DDX52: variants seen among roughly 807,000 people sequenced by gnomAD.
The protein encoded by DDX52 is probable ATP-dependent RNA helicase DDX52.
Under a neutral mutation model 76.1 loss-of-function variants are expected in DDX52, and 59 were observed. The observed-to-expected ratio is 0.78, with a 90% confidence interval of 0.63 to 0.96. DDX52 has a LOEUF of 0.96. DDX52 is among the 40% of genes least tolerant of loss of function. DDX52 has a pLI of 0.00. For missense variants in DDX52, 707 were observed against 703.9 expected (o/e 1.00, Z -0.05); for synonymous variants, 231 against 244.1 (o/e 0.95, Z 0.50).
intron 2 of DDX52, among the ~76,000 whole-genome samples, chr17:37,641,900 A>G (rs2031218571): frequency 6.6e-6 from 1 of 152,188 alleles, no homozygotes; most frequent in Non-Finnish European, 1.5e-5. Context: ...CAGAAATAAC[A>G]GTACCTGTAC....
At chr17:37,635,031 C>T (rs891733278) in intron 2 of DDX52, among the ~76,000 whole-genome samples, 1 of 151,930 alleles carries the variant, frequency 6.6e-6, no homozygotes, top group Non-Finnish European at 1.5e-5. Flanking sequence ...AAACTCCTGA[C>T]CTCGTGATCC....
intron 12 of DDX52, 36 bp from the exon 13 acceptor site, chr17:37,619,875 T>C (rs1167532675): frequency 6.3e-7 from 1 of 1,599,018 alleles, no homozygotes; most frequent in Admixed American, 1.8e-5. Context: ...ACTTGTATCT[T>C]TGCTAAATTG....
At position 37,614,221 on chromosome 17, in the gene DDX52, A is replaced by G. The variant is rs563838711; in HGVS notation, c.*75T>C. 8.2e-6 allele frequency: 12 copies of G among 1,472,186 alleles called. No individual in the cohort carries two copies. The East Asian group carries it at 2.5e-4, about 31-fold the overall frequency. 91.2% of individuals were successfully genotyped at this position (1,472,186 alleles called of 1,614,324 possible). ...TGGTACAGGTGACTGTAAGACTTCA[A>G]GTATTCCATGAAAATAACATTCATG... On this transcript the variant is annotated 3_prime_UTR_variant, in exon 15 of 15. Transcript: ENST00000617633.
chr17:37,623,526 T>G (rs1463668654), intron 9 of DDX52, among the ~76,000 whole-genome samples: 1 of 152,222 alleles, frequency 6.6e-6, no homozygotes, highest in African/African-American at 2.4e-5. Flanking sequence ...ATAAACTGTT[T>G]GCCTTAGACA....
In DDX52 at chr17:37,612,964, C is replaced by T. The variant is rs1053540181; in HGVS notation, c.*1332G>A. On this transcript the variant is annotated 3_prime_UTR_variant, in exon 15 of 15. Transcript: ENST00000617633. Reference sequence around the variant, plus strand: ...AATCATATTCTTGTAAGTATTTTTACACCCTGTACCAGTAGATCTTTCTTT... The same window carrying T: ...AATCATATTCTTGTAAGTATTTTTATACCCTGTACCAGTAGATCTTTCTTT... 6.6e-6 allele frequency: 1 copy of T among 152,192 alleles called. No homozygotes were observed. The highest frequency in any genetic ancestry group is 2.4e-5 in the African/African-American group (1 of 41,436). The allele number at this position is 152,192 out of a possible 1,614,324, so 9.4% of individuals were successfully genotyped here. A position where few individuals can be genotyped will look rare whatever the true frequency, so the allele number is the denominator to read the frequency against.
chr17:37,621,159 G>A lies in DDX52; in HGVS notation c.1469C>T (p.Pro490Leu). ...GVNLVINYDF[P>L]TSSVEYIHRI... is the part of the protein sequence containing the mutation. ...GTGGATATATTCCACTGAGCTAGTT[G>A]GAAAGTCATAGTTGATCACCAAGTT... The change falls in exon 11 of 15, where the codon CCA becomes CTA. Residue 490 changes from proline to leucine, a missense_variant. Pro to Leu is a moderately conservative substitution (Grantham distance 98). Transcript: ENST00000617633. 6.2e-7 allele frequency: 1 copy of A among 1,612,788 alleles called. No individual in the cohort carries two copies.
chr17:37,621,031 C>T (rs890019917), intron 11 of DDX52, 83 bp from the exon 12 acceptor site: 1 of 1,556,836 alleles, frequency 6.4e-7, no homozygotes, highest in African/African-American at 1.4e-5. Context: ...ACTGGATTTT[C>T]ACAGCACTAA....
chr17:37,636,714 G>C (rs2030945526), intron 2 of DDX52, among the ~76,000 whole-genome samples: 1 of 152,148 alleles, frequency 6.6e-6, no homozygotes. Flanking sequence ...TGGGGACAAA[G>C]AAATCACCTG....
intron 3 of DDX52, 106 bp from the exon 4 acceptor site, chr17:37,632,404 T>G: frequency 7.8e-7 from 1 of 1,283,216 alleles, no homozygotes; most frequent in South Asian, 1.4e-5. Context: ...TAGCAGCATA[T>G]GAAACTTTTT....
chr17:37,614,684 T>C (rs1282520496), intron 14 of DDX52, among the ~76,000 whole-genome samples: 3 of 152,236 alleles, frequency 2.0e-5, no homozygotes, highest in Non-Finnish European at 4.4e-5. Context: ...CGGGTAATTT[T>C]CCTAACAACT....
At chr17:37,636,724 G>A (rs1256140339) in intron 2 of DDX52, among the ~76,000 whole-genome samples, 1 of 152,048 alleles carries the variant, frequency 6.6e-6, no homozygotes, top group East Asian at 1.9e-4. Context: ...GAAATCACCT[G>A]TTTACAAATG....
chr17:37,641,184 C>T (rs1381043933), intron 2 of DDX52, among the ~76,000 whole-genome samples: 1 of 151,802 alleles, frequency 6.6e-6, no homozygotes, highest in Non-Finnish European at 1.5e-5. Flanking sequence ...GGGTGGATCA[C>T]AAGGTCAGGA....
Position 37,612,734 on chromosome 17 carries a change from G to GAA in DDX52, c.*1560_*1561dup. The GAA allele has an allele frequency of 6.6e-6, 1 of 152,200 alleles. No individual in the cohort carries two copies. Among genetic ancestry groups the GAA allele is most frequent in the East Asian group, 1.9e-4 (1 of 5,202 alleles). The allele number at this position is 152,200 out of a possible 1,614,324, so 9.4% of individuals were successfully genotyped here. A position where few individuals can be genotyped will look rare whatever the true frequency, so the allele number is the denominator to read the frequency against. ...TATTCCTAACAAAATCTATGTTTAA[G>GAA]AAATATTTATTGTGAGTTTACTATG... On this transcript the variant is annotated 3_prime_UTR_variant, in exon 15 of 15. Transcript: ENST00000617633.
intron 8 of DDX52, among the ~76,000 whole-genome samples, chr17:37,625,506 A>G (rs1454100242): frequency 1.3e-5 from 2 of 152,182 alleles, no homozygotes; most frequent in African/African-American, 4.8e-5. Context: ...TATTTAGCAT[A>G]AAATGCTCCC....
At chr17:37,620,706 G>A in intron 12 of DDX52, 167 bp downstream of exon 12, 1 of 534,024 alleles carries the variant, frequency 1.9e-6, no homozygotes. Context: ...GCAAAAACAA[G>A]GCCTTTTGAT....
At chr17:37,629,057 AAAACACAAAAAC>A (rs1179715953) in intron 5 of DDX52, among the ~76,000 whole-genome samples, 1 of 151,838 alleles carries the variant, frequency 6.6e-6, no homozygotes, top group Non-Finnish European at 1.5e-5. Flanking sequence ...ATCTCTACTA[AAAACACAAAAAC>A]AATTAGCCAG....
At chr17:37,620,613 A>T (rs1483438296) in intron 12 of DDX52, 2 of 338,182 alleles carry the variant, frequency 5.9e-6, no homozygotes, top group Non-Finnish European at 1.1e-5. Context: ...ATCTAACATC[A>T]ACCATTGAAA....
In DDX52 at chr17:37,642,154, C is replaced by T. The variant is rs2031230926; in HGVS notation, c.242G>A (p.Arg81Lys). 4 of 1,613,980 alleles carry T rather than the reference C, an allele frequency of 2.5e-6. No individual in the cohort carries two copies. Among genetic ancestry groups the T allele is most frequent in the East Asian group, 2.2e-5 (1 of 44,878 alleles). ...TTTTTTCTTGCTCTGCTCCCTCTTC[C>T]TTTCAGTTAGGCTCTCTTCTTTTTT... ...GEKKEESLTE[R>K]KREQSKKKRK... Residue 81 changes from arginine to lysine, a missense_variant, in exon 2 of 15, where the codon AGG becomes AAG. By Grantham distance (26) the Arg-to-Lys change is conservative. Coordinates refer to ENST00000617633, the MANE Select transcript of DDX52 (RefSeq NM_007010.5).
chr17:37,611,058 C>G lies in DDX52; in HGVS notation c.*3238G>C, dbSNP rs1039916720. The G allele has an allele frequency of 6.6e-6, 1 of 152,216 alleles. No individual in the cohort carries two copies. Among genetic ancestry groups the G allele is most frequent in the Admixed American group, 6.5e-5 (1 of 15,278 alleles). The allele number at this position is 152,216 out of a possible 1,614,324, so 9.4% of individuals were successfully genotyped here. ...AATCCTTTTTGTTCCTCTTCTTTGCCTATTGGTTTTTACATTTGCAGGATT... is the reference window on the plus strand; with the variant it reads ...AATCCTTTTTGTTCCTCTTCTTTGCGTATTGGTTTTTACATTTGCAGGATT... On this transcript the variant is annotated 3_prime_UTR_variant, in exon 15 of 15. Transcript: ENST00000617633.
Sources: allele counts gnomAD v4.1 joint callset (sites outside exome capture counted in the v4.1 genomes callset), GRCh38; gene constraint gnomAD v4.1.1; transcripts MANE v1.5; gene names NCBI Gene and HGNC (gene_info 2026-07-23, HGNC 2026-07-21).